FHIP2A: variants seen among roughly 807,000 people sequenced by gnomAD.
FHIP2A encodes the protein family with sequence similarity 160 member B1.
A neutral mutation model predicts 93.5 loss-of-function variants in FHIP2A; 46 were observed. The ratio of observed to expected loss-of-function variants is 0.49; its 90% CI spans 0.39 to 0.63. FHIP2A has a LOEUF of 0.63. Ranked by LOEUF, FHIP2A falls within the 20% of genes least tolerant of loss-of-function variation. FHIP2A has a pLI of 0.00. For synonymous variants in FHIP2A, 332 were observed against 326.5 expected (o/e 1.02, Z -0.18); for missense variants, 769 against 909.7 (o/e 0.85, Z 1.99).
intron 16 of FHIP2A, among the ~76,000 whole-genome samples, chr10:114,892,464 C>A (rs1280285888): frequency 1.3e-5 from 2 of 151,938 alleles, no homozygotes; most frequent in African/African-American, 4.8e-5. Flanking sequence ...ATGGTGATAC[C>A]CCATCTCTAC....
At chr10:114,830,089 G>A (rs956285496) in intron 1 of FHIP2A, among the ~76,000 whole-genome samples, 2 of 152,020 alleles carry the variant, frequency 1.3e-5, no homozygotes, top group African/African-American at 2.4e-5. Context: ...ATCTGATTAC[G>A]AAGTTGACTT....
At chr10:114,830,171 T>C (rs2083599581) in intron 1 of FHIP2A, among the ~76,000 whole-genome samples, 1 of 152,148 alleles carries the variant, frequency 6.6e-6, no homozygotes, top group Admixed American at 6.6e-5. Context: ...CATTTCAAAG[T>C]CCTAGGTACA....
At chr10:114,874,491 AT>A (rs2083874312) in intron 16 of FHIP2A, among the ~76,000 whole-genome samples, 1 of 152,050 alleles carries the variant, frequency 6.6e-6, no homozygotes, top group Non-Finnish European at 1.5e-5. Flanking sequence ...TGTATAACCT[AT>A]TTTAGTATTT....
At chr10:114,835,750 A>G in intron 4 of FHIP2A, 109 bp downstream of exon 4, 1 of 693,282 alleles carries the variant, frequency 1.4e-6, no homozygotes, top group Non-Finnish European at 2.3e-6. Flanking sequence ...TCCAAAATTA[A>G]CATGCAAGTT....
chr10:114,866,947 G>A (rs1213266921), downstream of FHIP2A, among the ~76,000 whole-genome samples: 6 of 152,160 alleles, frequency 3.9e-5, no homozygotes, highest in Non-Finnish European at 8.8e-5. Flanking sequence ...GGTAGCTCAC[G>A]CCTGTAATCC....
intron 16 of FHIP2A, among the ~76,000 whole-genome samples, chr10:114,876,391 C>A (rs2083889443): frequency 6.6e-6 from 1 of 152,214 alleles, no homozygotes; most frequent in South Asian, 2.1e-4. Context: ...GCAGTCCAGA[C>A]TCCATCACTG....
Position 114,864,218 on chromosome 10 carries a change from C to T in FHIP2A, c.*2678C>T, listed in dbSNP as rs1253885703. 1.0e-6 allele frequency: 1 copy of T among 983,928 alleles called. No homozygotes were observed. The highest frequency in any genetic ancestry group is 1.2e-6 in the Non-Finnish European group (1 of 828,346). 60.9% of individuals were successfully genotyped at this position (983,928 alleles called of 1,614,324 possible). A position where few individuals can be genotyped will look rare whatever the true frequency, so the allele number is the denominator to read the frequency against. Reference sequence around the variant, plus strand: ...TTACAGGGCACAAATTATGGAATTACTTCATAAATTCATGGTAATGTTTTC... The same window carrying T: ...TTACAGGGCACAAATTATGGAATTATTTCATAAATTCATGGTAATGTTTTC... On this transcript the variant is annotated 3_prime_UTR_variant, in exon 17 of 17. Transcript: ENST00000369248.
chr10:114,883,117 G>C (rs2083925135), intron 16 of FHIP2A, among the ~76,000 whole-genome samples: 3 of 152,208 alleles, frequency 2.0e-5, no homozygotes, highest in Admixed American at 6.5e-5. Context: ...ACAGAAGCCA[G>C]ACTAGGGGAG....
At chr10:114,873,169 G>A (rs181335912) in intron 16 of FHIP2A, among the ~76,000 whole-genome samples, 6 of 152,344 alleles carry the variant, frequency 3.9e-5, no homozygotes, top group African/African-American at 9.6e-5. Flanking sequence ...GCTTTCTGCA[G>A]TGTCTGCAGC....
chr10:114,886,566 A>G (rs1016588020), intron 16 of FHIP2A, among the ~76,000 whole-genome samples: 1 of 152,112 alleles, frequency 6.6e-6, no homozygotes, highest in African/African-American at 2.4e-5. Context: ...TTTTTTTGAG[A>G]CAGAGTCTCG....
intron 14 of FHIP2A, among the ~76,000 whole-genome samples, chr10:114,855,889 C>T (rs771380758): frequency 2.0e-5 from 3 of 152,180 alleles, no homozygotes; most frequent in Admixed American, 6.5e-5. Context: ...TTGCTATGTA[C>T]ATCTCATCTG....
intron 8 of FHIP2A, 123 bp downstream of exon 8, chr10:114,845,604 A>G (rs1310735605): frequency 9.4e-6 from 6 of 639,828 alleles, no homozygotes; most frequent in Non-Finnish European, 1.6e-5. Context: ...GGTTAGTAAA[A>G]TAAGTAAACA....
chr10:114,880,779 C>T (rs1442386821), intron 16 of FHIP2A, among the ~76,000 whole-genome samples: 2 of 149,834 alleles, frequency 1.3e-5, no homozygotes, highest in Non-Finnish European at 3.0e-5. Flanking sequence ...TTTAAGGAAG[C>T]ACTCCGAGTG....
intron 16 of FHIP2A, among the ~76,000 whole-genome samples, chr10:114,895,416 A>C (rs1445378036): frequency 6.6e-6 from 1 of 152,236 alleles, no homozygotes; most frequent in Non-Finnish European, 1.5e-5. Context: ...CCTGGGTGGC[A>C]GTAACTTCCC....
chr10:114,862,383 G>A lies in FHIP2A; in HGVS notation c.*843G>A, dbSNP rs2083805850. 1 of 987,170 alleles carries A rather than the reference G, an allele frequency of 1.0e-6. No homozygotes were observed. Among genetic ancestry groups the A allele is most frequent in the South Asian group, 4.7e-5 (1 of 21,356 alleles). The allele number at this position is 987,170 out of a possible 1,614,324, so 61.2% of individuals were successfully genotyped here. On this transcript the variant is annotated 3_prime_UTR_variant, in exon 17 of 17. Coordinates refer to ENST00000369248, the MANE Select transcript of FHIP2A (RefSeq NM_020940.4). ...TCCCCCCTCTCCCTCTCAGAAAATT[G>A]CTTTATAAAATTGCTTTATAATTTG... is the stretch of plus-strand genomic sequence containing the variant.
intron 1 of FHIP2A, among the ~76,000 whole-genome samples, chr10:114,828,552 A>G (rs1425832045): frequency 6.6e-6 from 1 of 152,246 alleles, no homozygotes; most frequent in Non-Finnish European, 1.5e-5. Context: ...AGTCTATAGA[A>G]GTCAGGTCCA....
rs1422046003 is a variant in FHIP2A, at chr10:114,899,493, GAC to G, written c.2197_2198del (p.Thr733ValfsTer42). On this transcript the variant is annotated frameshift_variant, in exon 17 of 17. Transcript: ENST00000369250. LOFTEE classifies it high-confidence loss of function. ...ATCTTCTTTCTTTTATCCTCAGGCA[GAC>G]GTTGCCTTCATGGTGGTAAGAGGGA... 1.4e-6 allele frequency: 1 copy of G among 718,364 alleles called. No homozygotes were observed. Among genetic ancestry groups the G allele is most frequent in the African/African-American group, 1.7e-5 (1 of 57,192 alleles). 44.5% of individuals were successfully genotyped at this position (718,364 alleles called of 1,614,324 possible).
intron 3 of FHIP2A, 76 bp from the exon 4 acceptor site, chr10:114,835,461 A>T (rs2083631761): frequency 1.2e-6 from 1 of 849,710 alleles, no homozygotes; most frequent in Non-Finnish European, 1.9e-6. Flanking sequence ...TGTCTCTCCA[A>T]TTTTTTAAGC....
At chr10:114,834,497 G>A (rs1330896159) in intron 3 of FHIP2A, among the ~76,000 whole-genome samples, 3 of 152,144 alleles carry the variant, frequency 2.0e-5, no homozygotes, top group Admixed American at 2.0e-4. Context: ...TTGTGCATAA[G>A]ATTATAGTTT....
Sources: allele counts gnomAD v4.1 joint callset (sites outside exome capture counted in the v4.1 genomes callset), GRCh38; gene constraint gnomAD v4.1.1; transcripts MANE v1.5; gene names NCBI Gene and HGNC (gene_info 2026-07-23, HGNC 2026-07-21).